The following CDK19 variants were observed in gnomAD, a reference collection of about 807,000 sequenced individuals.
The protein encoded by CDK19 is cyclin dependent kinase 19, also known as cyclin-dependent kinase 19.
CDK19 carries 20 observed loss-of-function variants against 68.3 expected under a neutral mutation model. That is an observed-to-expected ratio of 0.29 (90% CI 0.21 to 0.43). The LOEUF (loss-of-function observed/expected upper bound fraction) is 0.43, where lower values mean the gene tolerates loss of function less well. Ranked by LOEUF, CDK19 falls within the 20% of genes least tolerant of loss-of-function variation. CDK19 has a pLI of 1.00. For missense variants in CDK19, 339 were observed against 623.5 expected, an observed-to-expected ratio of 0.54 and a Z score of 4.86; for synonymous variants, 221 against 222.8, an observed-to-expected ratio of 0.99 and a Z score of 0.07.
chr6:110,773,784 T>G (rs1271511762), intron 1 of CDK19: 2 of 152,184 alleles, frequency 1.3e-5, no homozygotes, highest in Admixed American at 1.3e-4. Context: ...TATAAATTAC[T>G]TAGTGATTAC....
chr6:110,675,606 A>G (rs924122785), intron 2 of CDK19, among the ~76,000 whole-genome samples: 9 of 149,942 alleles, frequency 6.0e-5, no homozygotes, highest in Non-Finnish European at 8.9e-5. Flanking sequence ...CAGCCTGGGC[A>G]ACAAGAATGA....
At chr6:110,770,433 G>A (rs570353544) in intron 1 of CDK19, among the ~76,000 whole-genome samples, 5 of 152,300 alleles carry the variant, frequency 3.3e-5, no homozygotes, top group African/African-American at 7.2e-5. Flanking sequence ...TGATAAAACC[G>A]TCAGATCTCA....
At chr6:110,806,340 C>CA (rs57577772) in intron 1 of CDK19, among the ~76,000 whole-genome samples, 73,150 of 141,684 alleles carry the variant, frequency 0.52, 19,906 homozygotes, top group Middle Eastern at 0.68. Flanking sequence ...AACTCCATCT[C>CA]AAAAAAAAAA....
At chr6:110,697,185 G>T (rs1582886964) in intron 2 of CDK19, among the ~76,000 whole-genome samples, 2 of 151,868 alleles carry the variant, frequency 1.3e-5, no homozygotes, top group Middle Eastern at 6.8e-3. Flanking sequence ...AGCTGAGATT[G>T]AGCCATTGCA....
intron 12 of CDK19, among the ~76,000 whole-genome samples, chr6:110,617,846 G>C (rs1390574084): frequency 1.1e-5 from 1 of 92,200 alleles, no homozygotes; most frequent in African/African-American, 4.3e-5. Flanking sequence ...GACACAGTGA[G>C]ACTCTGTCTC....
intron 1 of CDK19, among the ~76,000 whole-genome samples, chr6:110,785,980 C>CT (rs1562287184): frequency 7.9e-6 from 1 of 126,720 alleles, no homozygotes. Context: ...AACTCCATCT[C>CT]AAAAAAAAAA....
chr6:110,716,780 A>G (rs1775437018), intron 2 of CDK19, among the ~76,000 whole-genome samples: 1 of 152,236 alleles, frequency 6.6e-6, no homozygotes, highest in South Asian at 2.1e-4. Context: ...GTATATCAAT[A>G]TATCAATAAA....
chr6:110,626,627 T>C lies in CDK19; in HGVS notation c.860+149A>G, dbSNP rs985233445. 43 of 518,224 alleles carry C rather than the reference T, an allele frequency of 8.3e-5. No homozygotes were observed. In the Middle Eastern group the frequency reaches 1.5e-3, roughly 18 times the overall value. 32.1% of individuals were successfully genotyped at this position (518,224 alleles called of 1,614,324 possible). ...CCCTGGAAGCAGAAAGCAACCTTCA[T>C]GGGATTACAAACATGCCAGTGCCTT... On this transcript the variant is annotated intron_variant, in intron 8 of 12. Coordinates refer to ENST00000368911, the MANE Select transcript of CDK19 (RefSeq NM_015076.5).
At chr6:110,677,983 A>G (rs917404629) in intron 2 of CDK19, among the ~76,000 whole-genome samples, 4 of 152,108 alleles carry the variant, frequency 2.6e-5, no homozygotes, top group Admixed American at 2.6e-4. Context: ...AGTAGCTGAG[A>G]CTACAGCTGT....
intron 1 of CDK19, among the ~76,000 whole-genome samples, chr6:110,785,401 T>C (rs530362970): frequency 6.6e-6 from 1 of 152,314 alleles, no homozygotes; most frequent in South Asian, 2.1e-4. Context: ...ATAACATAAA[T>C]AGTCAATTAA....
intron 2 of CDK19, among the ~76,000 whole-genome samples, chr6:110,692,625 A>T (rs1773107140): frequency 6.6e-6 from 1 of 152,216 alleles, no homozygotes. Context: ...TACAAATATA[A>T]GAAGCACAAA....
At chr6:110,646,754 T>C (rs540891637) in intron 4 of CDK19, among the ~76,000 whole-genome samples, 1 of 152,280 alleles carries the variant, frequency 6.6e-6, no homozygotes, top group Admixed American at 6.5e-5. Context: ...CCTGTTCCAC[T>C]GCGCACGGTT....
intron 2 of CDK19, among the ~76,000 whole-genome samples, chr6:110,686,955 T>G (rs1180906397): frequency 6.6e-6 from 1 of 152,136 alleles, no homozygotes; most frequent in African/African-American, 2.4e-5. Flanking sequence ...TCCCAGCACT[T>G]TGGGAGGCCA....
At position 110,759,404 on chromosome 6, in the gene CDK19, TAAAA is replaced by T. The variant is rs1157889434; in HGVS notation, c.129-13207_129-13204del. ...TGGGCAACAGAGTGAGACTCCGTCT[TAAAA>T]AAAAAAAAAAAAAAAAAAAAATATA... On this transcript the variant is annotated intron_variant, in intron 1 of 12. Transcript: ENST00000368911. Among the ~76,000 whole-genome samples, 230 of 57,036 alleles carry T rather than the reference TAAAA, an allele frequency of 4.0e-3. 1 individual carries two copies. The highest frequency in any genetic ancestry group is 0.014 in the Middle Eastern group (1 of 70). The allele number at this position is 57,036 out of a possible 152,430, so 37.4% of individuals were successfully genotyped here. A position where few individuals can be genotyped will look rare whatever the true frequency, so the allele number is the denominator to read the frequency against.
intron 1 of CDK19, among the ~76,000 whole-genome samples, chr6:110,759,714 A>G (rs1779104830): frequency 6.6e-6 from 1 of 151,944 alleles, no homozygotes; most frequent in Non-Finnish European, 1.5e-5. Context: ...ATTTTTCCAT[A>G]ATGAATATTA....
intron 1 of CDK19, among the ~76,000 whole-genome samples, chr6:110,763,071 T>C (rs931593345): frequency 2.0e-5 from 3 of 152,198 alleles, no homozygotes; most frequent in Non-Finnish European, 2.9e-5. Flanking sequence ...CTTGCAACAA[T>C]ATACTGAGGT....
chr6:110,686,061 C>T (rs1772448221), intron 2 of CDK19, among the ~76,000 whole-genome samples: 1 of 152,040 alleles, frequency 6.6e-6, no homozygotes, highest in Non-Finnish European at 1.5e-5. Flanking sequence ...ATGGAAAATA[C>T]CCAGCAGATA....
At chr6:110,744,508 G>C (rs1477940579) in intron 2 of CDK19, among the ~76,000 whole-genome samples, 1 of 151,948 alleles carries the variant, frequency 6.6e-6, no homozygotes, top group East Asian at 1.9e-4. Context: ...CTCCAGCCTG[G>C]GTGGCAGAGC....
At chr6:110,667,364 CAAG>C in intron 4 of CDK19, 67 bp downstream of exon 4, 1 of 1,006,308 alleles carries the variant, frequency 9.9e-7, no homozygotes, top group Non-Finnish European at 1.4e-6. Flanking sequence ...ATAATGGTAC[CAAG>C]AAGAAAATAT....
Sources: gnomAD v4.1 joint callset for allele counts (sites outside exome capture counted in the v4.1 genomes callset) on GRCh38, gnomAD v4.1.1 for gene constraint, MANE v1.5 for transcripts, NCBI Gene and HGNC (gene_info 2026-07-23, HGNC 2026-07-21) for gene names.